Variants in DDX43 observed in about 807,000 individuals in gnomAD.
DDX43 encodes the protein probable ATP-dependent RNA helicase DDX43.
Under a neutral mutation model 84.9 loss-of-function variants are expected in DDX43, and 50 were observed. The observed-to-expected ratio is 0.59, with a 90% CI of 0.47 to 0.75. The LOEUF (loss-of-function observed/expected upper bound fraction) is 0.75, where lower values mean the gene tolerates loss of function less well. DDX43 is among the 30% of genes least tolerant of loss of function. The pLI, the probability that DDX43 is intolerant of heterozygous loss-of-function variation, is 0.00. For missense variants in DDX43, 689 were observed against 798.6 expected, an observed-to-expected ratio of 0.86 and a Z score of 1.65; for synonymous variants, 291 against 266.3, an observed-to-expected ratio of 1.09 and a Z score of -0.90.
chr6:73,412,696 T>G, intron 11 of DDX43, among the ~76,000 whole-genome samples: 1 of 107,202 alleles, frequency 9.3e-6, no homozygotes, highest in Non-Finnish European at 2.0e-5. Flanking sequence ...TGTGTGCGCG[T>G]GCGTGCGCAC....
In DDX43 at chr6:73,405,703, G is replaced by A. The variant is rs1280412170; in HGVS notation, c.675G>A (p.Trp225Ter). 1 of 1,613,632 alleles carries A rather than the reference G, an allele frequency of 6.2e-7. No individual in the cohort carries two copies. Among genetic ancestry groups the A allele is most frequent in the African/African-American group, 1.3e-5 (1 of 74,848 alleles). ...GGAAAGAAAATTTTAATATAACGTGGGATGACTTGAAGGATGGGGAGAAAC... is the reference window on the plus strand; with the variant it reads ...GGAAAGAAAATTTTAATATAACGTGAGATGACTTGAAGGATGGGGAGAAAC... ...SWRKENFNIT[W>*]DDLKDGEKRP... Residue 225 changes from tryptophan (W) to a stop codon, truncating the protein, a stop_gained, in exon 6 of 17, where the codon TGG becomes TGA. Coordinates refer to ENST00000370336, the MANE Select transcript of DDX43 (RefSeq NM_018665.3). LOFTEE classifies it high-confidence loss of function.
rs915644473 is a variant in DDX43, at chr6:73,406,543, T to C, written c.926+61T>C. 1.1e-4 allele frequency: 119 copies of C among 1,105,534 alleles called. No individual in the cohort carries two copies. The African/African-American group carries it at 1.8e-3, about 17-fold the overall frequency. The allele number at this position is 1,105,534 out of a possible 1,614,324, so 68.5% of individuals were successfully genotyped here. On this transcript the variant is annotated intron_variant, in intron 7 of 16. Transcript: ENST00000370336. Reference sequence around the variant, plus strand: ...GTTTAATAGATTTAGATATCAAAAATGTAATTAAAGTTTCTTTACCTATTG... The same window carrying C: ...GTTTAATAGATTTAGATATCAAAAACGTAATTAAAGTTTCTTTACCTATTG...
intron 1 of DDX43, 41 bp downstream of exon 1, chr6:73,395,196 C>A (rs1181487823): frequency 6.4e-7 from 1 of 1,559,204 alleles, no homozygotes; most frequent in East Asian, 2.4e-5. Context: ...TAGGTGGGGC[C>A]AGGGGCGGAG....
intron 4 of DDX43, among the ~76,000 whole-genome samples, chr6:73,402,678 C>T (rs1769599303): frequency 6.6e-6 from 1 of 152,188 alleles, no homozygotes; most frequent in East Asian, 1.9e-4. Flanking sequence ...CTCCCAGGCT[C>T]AAGTGATTGC....
chr6:73,402,526 A>C (rs1257688368), intron 4 of DDX43, among the ~76,000 whole-genome samples: 1 of 152,060 alleles, frequency 6.6e-6, no homozygotes. Flanking sequence ...TCTCCTCTTA[A>C]CCTCCCAAAC....
In DDX43 at chr6:73,397,752, A is replaced by T. The variant is rs1171877773; in HGVS notation, c.306+8A>T. The T allele has an allele frequency of 3.1e-6, 5 of 1,613,370 alleles. No homozygotes were observed. The highest frequency in any genetic ancestry group is 3.4e-6 in the Non-Finnish European group (4 of 1,179,446). On this transcript the variant is annotated splice_region_variant and intron_variant, in intron 2 of 16. Coordinates refer to ENST00000370336, the MANE Select transcript of DDX43 (RefSeq NM_018665.3). ...ACAAACACCACAATCCAAGTAAGCC[A>T]TCTGTGTTTTTCGGCCCTTAAGAGA...
chr6:73,416,852 A>G (rs1769913572), intron 16 of DDX43, among the ~76,000 whole-genome samples: 1 of 152,196 alleles, frequency 6.6e-6, no homozygotes, highest in Non-Finnish European at 1.5e-5. Context: ...CAACCTGGCC[A>G]ACGTGGCAAA....
intron 8 of DDX43, 87 bp downstream of exon 8, chr6:73,407,702 A>G: frequency 9.8e-7 from 1 of 1,015,358 alleles, no homozygotes; most frequent in Non-Finnish European, 1.5e-6. Flanking sequence ...TTTTTCACAC[A>G]TTCAGAGAAT....
At chr6:73,401,168 TG>T (rs1283187793) in intron 3 of DDX43, among the ~76,000 whole-genome samples, 7 of 152,044 alleles carry the variant, frequency 4.6e-5, no homozygotes, top group Non-Finnish European at 8.8e-5. Flanking sequence ...AGAGTAGAGA[TG>T]GGGTTTCACC....
intron 5 of DDX43, among the ~76,000 whole-genome samples, chr6:73,405,353 T>A (rs536127200): frequency 2.2e-4 from 33 of 152,294 alleles, no homozygotes; most frequent in Admixed American, 9.8e-4. Flanking sequence ...ATGAAATATG[T>A]GTGGAACATC....
At chr6:73,414,396 C>T (rs1052963753) in intron 13 of DDX43, 152 bp from the exon 14 acceptor site, 68 of 705,426 alleles carry the variant, frequency 9.6e-5, no homozygotes, top group African/African-American at 8.2e-4. Context: ...TGTAACTTGC[C>T]GGCAGTTACT....
chr6:73,396,413 TA>T (rs1236356279), intron 1 of DDX43, among the ~76,000 whole-genome samples: 2 of 152,216 alleles, frequency 1.3e-5, no homozygotes, highest in East Asian at 1.9e-4. Flanking sequence ...TAGTGCATTG[TA>T]AGACTAATTG....
chr6:73,415,125 G>A (rs1396323018), intron 14 of DDX43, among the ~76,000 whole-genome samples: 3 of 151,980 alleles, frequency 2.0e-5, no homozygotes, highest in South Asian at 4.1e-4. Context: ...GTGAAACCCC[G>A]TCTCTACTAA....
intron 5 of DDX43, 57 bp from the exon 6 acceptor site, chr6:73,405,622 A>G (rs1395517807): frequency 1.9e-6 from 3 of 1,557,846 alleles, no homozygotes; most frequent in Non-Finnish European, 2.6e-6. Context: ...ATTTTGGAGA[A>G]TGTCTTGCTT....
chr6:73,400,168 C>A lies in DDX43; in HGVS notation c.307-66C>A. On this transcript the variant is annotated intron_variant, in intron 2 of 16. Coordinates refer to ENST00000370336, the MANE Select transcript of DDX43 (RefSeq NM_018665.3). ...AGTGATTGTTGGAAGGGGTTAGGGGCTTAGGGAACTTTTTATGTTTTTTAG... is the reference window on the plus strand; with the variant it reads ...AGTGATTGTTGGAAGGGGTTAGGGGATTAGGGAACTTTTTATGTTTTTTAG... 2.1e-6 allele frequency: 3 copies of A among 1,420,144 alleles called. No homozygotes were observed. In the South Asian group the frequency reaches 4.1e-5, roughly 19 times the overall value. 88.0% of individuals were successfully genotyped at this position (1,420,144 alleles called of 1,614,324 possible).
At chr6:73,410,688 G>A (rs746214928) in intron 10 of DDX43, among the ~76,000 whole-genome samples, 1 of 152,138 alleles carries the variant, frequency 6.6e-6, no homozygotes, top group Non-Finnish European at 1.5e-5. Flanking sequence ...AGCCTTCCCA[G>A]CTCAAGCGAT....
intron 1 of DDX43, 107 bp downstream of exon 1, chr6:73,395,262 T>C: frequency 7.3e-7 from 1 of 1,361,118 alleles, no homozygotes; most frequent in Non-Finnish European, 9.9e-7. Context: ...TGCCACCTAG[T>C]GAGGTTCAGG....
Position 73,397,699 on chromosome 6 carries a change from G to A in DDX43, c.261G>A (p.Gly87=), listed in dbSNP as rs778951772. The A allele has an allele frequency of 4.1e-5, 66 of 1,612,548 alleles. No individual in the cohort carries two copies. The highest frequency in any genetic ancestry group is 5.5e-5 in the Non-Finnish European group (65 of 1,178,890). Residue 87 remains glycine, a synonymous_variant, in exon 2 of 17, where the codon GGG becomes GGA. Transcript: ENST00000370336. ...HFVGAVIGRG[G]SKIKNIQSTT... Reference sequence around the variant, plus strand: ...TATTTTTAAAAACAGGTCGTGGTGGGTCAAAAATAAAGAATATACAAAGTA... The same window carrying A: ...TATTTTTAAAAACAGGTCGTGGTGGATCAAAAATAAAGAATATACAAAGTA...
intron 15 of DDX43, 128 bp downstream of exon 15, chr6:73,415,712 A>G (rs1285252980): frequency 1.6e-6 from 1 of 624,480 alleles, no homozygotes; most frequent in Non-Finnish European, 2.7e-6. Flanking sequence ...GGGCTTTAGC[A>G]TGGCAGTGAT....
Sources: allele counts gnomAD v4.1 joint callset (sites outside exome capture counted in the v4.1 genomes callset), GRCh38; gene constraint gnomAD v4.1.1; transcripts MANE v1.5; gene names NCBI Gene and HGNC (gene_info 2026-07-23, HGNC 2026-07-21).